Variants in SGSH observed in about 807,000 individuals in gnomAD.
SGSH encodes the protein heparan sulfate sulfatase.
SGSH carries 48 observed loss-of-function variants against 51.0 expected under a neutral mutation model. That is an observed-to-expected ratio of 0.94 (90% CI 0.75 to 1.20). The LOEUF is 1.20. Ranked by LOEUF, SGSH falls within the 50% of genes most tolerant of loss-of-function variation. The probability of loss-of-function intolerance (pLI) is 0.00; values close to 1 mark genes in which losing one functional copy is unlikely to be tolerated. For missense variants in SGSH, 662 were observed against 717.8 expected (o/e 0.92, Z 0.89); for synonymous variants, 321 against 313.4 (o/e 1.02, Z -0.26).
rs889605139 is a variant in SGSH at position 80,217,114 on chromosome 17, C to T, written c.167G>A (p.Arg56His). 16 of 1,602,090 alleles carry T rather than the reference C, an allele frequency of 1.0e-5. No homozygotes were observed. Among genetic ancestry groups the T allele is most frequent in the African/African-American group, 2.7e-5 (2 of 74,880 alleles). The change falls in exon 2 of 8, where the codon CGC (arginine) becomes CAC (histidine). Residue 56 changes from arginine to histidine, a missense_variant. Physicochemically the swap from Arg to His is conservative, Grantham distance 29. Coordinates refer to ENST00000326317, the MANE Select transcript of SGSH (RefSeq NM_000199.5). ...GAAGGCATTGCGAAAGAGGAGGCTG[C>T]GGCGGGCCAAGGCGTCCAGGTGCGG... ...ATPHLDALARRSLLFRNAFTS... is the reference protein window; with the variant it reads ...ATPHLDALARHSLLFRNAFTS...
downstream of SGSH, chr17:80,202,622 C>A: frequency 2.1e-6 from 3 of 1,409,430 alleles, no homozygotes; most frequent in Non-Finnish European, 2.8e-6. Context: ...ATGAAATGTT[C>A]ATTCTAGAAC....
chr17:80,206,350 G>A (rs1040218310), downstream of SGSH, among the ~76,000 whole-genome samples: 9 of 151,850 alleles, frequency 5.9e-5, no homozygotes, highest in African/African-American at 1.4e-4. Context: ...ACAGTGGCTC[G>A]CGCCTGTAAT....
chr17:80,205,004 T>C, downstream of SGSH: 1 of 1,519,480 alleles, frequency 6.6e-7, no homozygotes, highest in South Asian at 1.3e-5. Context: ...TGCCGCAGCC[T>C]CACCCACCCT....
chr17:80,208,470 C>A, downstream of SGSH: 1 of 875,582 alleles, frequency 1.1e-6, no homozygotes, highest in Non-Finnish European at 1.7e-6. Flanking sequence ...GCTCTCCCCA[C>A]TGGCTGGGGT....
Position 80,210,048 on chromosome 17 carries a change from G to T in SGSH, c.*404C>A, listed in dbSNP as rs1275210597. On this transcript the variant is annotated 3_prime_UTR_variant, in exon 8 of 8. Transcript: ENST00000326317. ...GAAGGGTTCAGAAGTATCTGTGGCTGCCAAAGCCTGAAGAGGGCCTCAGGC... is the reference window on the plus strand; with the variant it reads ...GAAGGGTTCAGAAGTATCTGTGGCTTCCAAAGCCTGAAGAGGGCCTCAGGC... 3.3e-5 allele frequency: 36 copies of T among 1,105,416 alleles called. No individual in the cohort carries two copies. The highest frequency in any genetic ancestry group is 3.9e-5 in the Non-Finnish European group (35 of 902,018). 68.5% of individuals were successfully genotyped at this position (1,105,416 alleles called of 1,614,324 possible).
At chr17:80,203,594 GC>G (rs2041109214), downstream of SGSH, 1 of 480,508 alleles carries the variant, frequency 2.1e-6, no homozygotes, top group Non-Finnish European at 3.7e-6. The surrounding 1 kb of genome is among the most constrained non-coding windows in gnomAD (Gnocchi z 4.6). Flanking sequence ...AAGTAAATCA[GC>G]ATCTCCAGGG....
At chr17:80,204,239 G>A (rs1445620840), downstream of SGSH, 1 of 1,590,180 alleles carries the variant, frequency 6.3e-7, no homozygotes, top group South Asian at 1.1e-5. Context: ...ATCTTCTGGG[G>A]GACCACAGAA....
chr17:80,214,451 TC>T, intron 4 of SGSH, 123 bp from the exon 5 acceptor site: 3 of 1,327,744 alleles, frequency 2.3e-6, no homozygotes, highest in Middle Eastern at 2.4e-4. Context: ...TGCCTCAGTT[TC>T]CCCACGTCCC....
Position 80,213,776 on chromosome 17 carries a change from C to A in SGSH, c.745+28G>T, listed in dbSNP as rs1431216461. The A allele has an allele frequency of 8.3e-6, 13 of 1,574,762 alleles. No individual in the cohort carries two copies. The highest frequency in any genetic ancestry group is 1.1e-5 in the Non-Finnish European group (13 of 1,163,590). ...ATGGGGGACCCCGGCCGTGGCACCCCCTCCAGTGCCCGGTTCTGCAAGCCC... is the reference window on the plus strand; with the variant it reads ...ATGGGGGACCCCGGCCGTGGCACCCACTCCAGTGCCCGGTTCTGCAAGCCC... On this transcript the variant is annotated intron_variant, in intron 6 of 7. Transcript: ENST00000326317. The surrounding 1 kb of genome is among the most constrained non-coding windows in gnomAD (Gnocchi z 4.6).
downstream of SGSH, chr17:80,208,092 C>A: frequency 7.1e-7 from 1 of 1,410,382 alleles, no homozygotes; most frequent in Non-Finnish European, 9.5e-7. Context: ...GCTCCTGGGC[C>A]CTTGCTCTCC....
At chr17:80,209,210 T>A (rs2041522824), downstream of SGSH, 13 of 711,796 alleles carry the variant, frequency 1.8e-5, no homozygotes, top group South Asian at 1.3e-4. Context: ...AGACTGAATG[T>A]CATTTTGACA....
chr17:80,202,091 T>C (rs900890703), downstream of SGSH: 6 of 1,313,452 alleles, frequency 4.6e-6, no homozygotes, highest in African/African-American at 5.8e-5. Context: ...GGGAGGGTCC[T>C]TCCTTCTCTC....
chr17:80,201,819 C>T (rs767152556), downstream of SGSH: 3 of 1,613,936 alleles, frequency 1.9e-6, no homozygotes, highest in Non-Finnish European at 2.5e-6. The surrounding 1 kb of genome is among the most constrained non-coding windows in gnomAD (Gnocchi z 5.0). Context: ...CGTGGGGCTT[C>T]TCAGGAGGGT....
intron 4 of SGSH, 40 bp from the exon 5 acceptor site, chr17:80,214,368 C>A: frequency 8.7e-6 from 14 of 1,600,398 alleles, no homozygotes; most frequent in Non-Finnish European, 1.2e-5. Context: ...TGCGGGGCCA[C>A]TGCCACGTGG....
In SGSH at chr17:80,210,403, G is replaced by T; in HGVS notation, c.*49C>A. The T allele has an allele frequency of 6.5e-7, 1 of 1,534,306 alleles. No homozygotes were observed. Among genetic ancestry groups the T allele is most frequent in the East Asian group, 2.4e-5 (1 of 42,282 alleles). ...TGGCCGGCCACACGGACACGTGTGG[G>T]ATGTGTCTGGGACATGCCTGGGATG... On this transcript the variant is annotated 3_prime_UTR_variant, in exon 8 of 8. Coordinates refer to ENST00000326317, the MANE Select transcript of SGSH (RefSeq NM_000199.5).
At position 80,213,022 on chromosome 17, in the gene SGSH, C is replaced by G. The variant is rs1204710213; in HGVS notation, c.746-748G>C. ...TGGCCAATGTGGTGAAACCCCGTCTCTACTAAAAATATAAAAATTAGCTGG... is the reference window on the plus strand; with the variant it reads ...TGGCCAATGTGGTGAAACCCCGTCTGTACTAAAAATATAAAAATTAGCTGG... On this transcript the variant is annotated intron_variant, in intron 6 of 7. Transcript: ENST00000326317. The surrounding 1 kb of genome is among the most constrained non-coding windows in gnomAD (Gnocchi z 4.6). The G allele has an allele frequency of 1.3e-5, 2 of 153,224 alleles. No individual in the cohort carries two copies. Among genetic ancestry groups the G allele is most frequent in the South Asian group, 2.0e-4 (1 of 4,890 alleles). 9.5% of individuals were successfully genotyped at this position (153,224 alleles called of 1,614,324 possible). A position where few individuals can be genotyped will look rare whatever the true frequency, so the allele number is the denominator to read the frequency against.
downstream of SGSH, chr17:80,202,719 G>A (rs2041052128): frequency 5.0e-6 from 4 of 799,410 alleles, no homozygotes; most frequent in Admixed American, 1.1e-4. Flanking sequence ...TGGTGGGGCC[G>A]TCCTGGGCAC....
downstream of SGSH, chr17:80,202,424 A>G (rs2041033764): frequency 6.2e-7 from 1 of 1,608,360 alleles, no homozygotes. Context: ...ACTCCAGGTG[A>G]GCAGCTGCCT....
downstream of SGSH, among the ~76,000 whole-genome samples, chr17:80,206,562 T>C (rs574596091): frequency 1.5e-3 from 233 of 152,296 alleles, 1 homozygote; most frequent in African/African-American, 5.4e-3. Context: ...GGTCAGGAGA[T>C]CAAGACCATC....
Sources: gnomAD v4.1 joint callset for allele counts (sites outside exome capture counted in the v4.1 genomes callset) on GRCh38, gnomAD v4.1.1 for gene constraint, Gnocchi (gnomAD v3.1) non-coding constraint, MANE v1.5 for transcripts, NCBI Gene and HGNC (gene_info 2026-07-23, HGNC 2026-07-21) for gene names.